RREB1: variants seen among roughly 807,000 people sequenced by gnomAD.
RREB1 encodes the protein ras responsive element binding protein 1.
Under a neutral mutation model 117.8 loss-of-function variants are expected in RREB1, and 27 were observed. The observed-to-expected ratio is 0.23, with a 90% confidence interval of 0.17 to 0.32. The LOEUF (loss-of-function observed/expected upper bound fraction) is 0.32, where lower values mean the gene tolerates loss of function less well. RREB1 is among the 10% of genes least tolerant of loss of function. The pLI, the probability that RREB1 is intolerant of heterozygous loss-of-function variation, is 1.00. For missense variants in RREB1, 2,577 were observed against 2,378.2 expected (o/e 1.08, Z -1.74); for synonymous variants, 1,298 against 1,026.7 (o/e 1.26, Z -5.05).
Position 7,229,872 on chromosome 6 carries a change from G to A in RREB1, c.1773G>A (p.Glu591=). 2.5e-6 allele frequency: 4 copies of A among 1,610,798 alleles called. No individual in the cohort carries two copies. The highest frequency in any genetic ancestry group is 2.5e-6 in the Non-Finnish European group (3 of 1,178,574). ...GGGCGGAGCTGCCGGGCCAGCCTGA[G>A]ATGAAGACGCAGCTGGAGCAGGACA... is the stretch of plus-strand genomic sequence containing the variant. ...QPRAELPGQP[E]MKTQLEQDSI... is the part of the protein sequence containing the mutation. Residue 591 remains glutamate, a synonymous_variant, in exon 10 of 13, where the codon GAG becomes GAA. Transcript: ENST00000379938. The surrounding 1 kb of genome is among the most constrained non-coding windows in gnomAD (Gnocchi z 4.5).
chr6:7,222,919 A>G (rs182529511), intron 8 of RREB1, among the ~76,000 whole-genome samples: 1 of 152,200 alleles, frequency 6.6e-6, no homozygotes, highest in Admixed American at 6.5e-5. Flanking sequence ...GTCACACTAA[A>G]TATTCATAAC....
At chr6:7,248,210 A>T (rs1769216755) in intron 12 of RREB1, among the ~76,000 whole-genome samples, 2 of 152,210 alleles carry the variant, frequency 1.3e-5, no homozygotes, top group Non-Finnish European at 2.9e-5. Flanking sequence ...TCTCTGGTCG[A>T]GGCCAGTCTG....
At chr6:7,204,567 G>A (rs1049164451) in intron 6 of RREB1, among the ~76,000 whole-genome samples, 1 of 152,142 alleles carries the variant, frequency 6.6e-6, no homozygotes, top group Non-Finnish European at 1.5e-5. Flanking sequence ...GTACGGATGG[G>A]GATGTCTCTA....
rs1356566728 is a variant in RREB1, at chr6:7,181,995, G to C, written c.84G>C (p.Gly28=). ...NTMMSAVMSV[G]KVTENGGSPQ... ...TGATGTCGGCGGTCATGAGTGTAGG[G>C]AAGGTCACAGAGAATGGCGGGAGCC... Residue 28 remains glycine (G), a synonymous_variant, in exon 4 of 13, where the codon GGG becomes GGC. Transcript: ENST00000379938. The C allele has an allele frequency of 3.7e-6, 6 of 1,614,208 alleles. No individual in the cohort carries two copies. The highest frequency in any genetic ancestry group is 5.1e-6 in the Non-Finnish European group (6 of 1,180,024).
chr6:7,145,119 A>G (rs908698390), intron 1 of RREB1, among the ~76,000 whole-genome samples: 3 of 152,356 alleles, frequency 2.0e-5, no homozygotes, highest in South Asian at 4.1e-4. Context: ...TTGAAGGTCC[A>G]TGTGAAGACA....
rs576026185 is a variant in RREB1 at position 7,247,630 on chromosome 6, C to T, written c.4771+409C>T. Among the ~76,000 whole-genome samples the T allele has an allele frequency of 2.6e-5, 4 of 152,290 alleles. No homozygotes were observed. The East Asian group carries it at 7.7e-4, about 30-fold the overall frequency. On this transcript the variant is annotated intron_variant, in intron 12 of 12. Transcript: ENST00000379938. ...GGACGACAGGCACTGCCCCAGGCCG[C>T]TGTGGGGCAGGCACCCTGGGTGATC...
intron 1 of RREB1, among the ~76,000 whole-genome samples, chr6:7,111,553 C>G (rs1197025336): frequency 1.3e-5 from 2 of 152,092 alleles, no homozygotes; most frequent in Non-Finnish European, 2.9e-5. Context: ...TAAAATTAAC[C>G]AAAGCATTTT....
In RREB1 at chr6:7,246,556, C is replaced by T. The variant is rs1056643818; in HGVS notation, c.4106C>T (p.Ala1369Val). Residue 1369 changes from alanine (A) to valine (V), a missense_variant, in exon 12 of 13, where the codon GCC becomes GTC. Physicochemically the swap from Ala to Val is moderately conservative, Grantham distance 64. Coordinates refer to ENST00000379938, the MANE Select transcript of RREB1 (RefSeq NM_001003699.4). ...GCAGGGGATGCGCCTGTGGAGCAGGCCACGGCGGAAACGGCCTCGCCGGTG... is the reference window on the plus strand; with the variant it reads ...GCAGGGGATGCGCCTGTGGAGCAGGTCACGGCGGAAACGGCCTCGCCGGTG... Reference protein sequence around the residue: ...QVAGDAPVEQATAETASPVHR... With the variant: ...QVAGDAPVEQVTAETASPVHR... 1.3e-6 allele frequency: 2 copies of T among 1,548,388 alleles called. No homozygotes were observed. The highest frequency in any genetic ancestry group is 1.4e-5 in the African/African-American group (1 of 73,212).
chr6:7,240,202 ATTTAT>A (rs1283620472), intron 10 of RREB1, among the ~76,000 whole-genome samples: 4 of 151,114 alleles, frequency 2.6e-5, no homozygotes, highest in African/African-American at 9.7e-5. Context: ...TTTCAGTTTC[ATTTAT>A]TTTAGTATTT....
intron 10 of RREB1, among the ~76,000 whole-genome samples, chr6:7,232,287 A>G (rs1254124613): frequency 6.6e-6 from 1 of 152,186 alleles, no homozygotes. Context: ...ACTTTGTATT[A>G]AGGTATTGGG....
At chr6:7,136,491 G>A (rs1336569156) in intron 1 of RREB1, among the ~76,000 whole-genome samples, 1 of 152,110 alleles carries the variant, frequency 6.6e-6, no homozygotes, top group African/African-American at 2.4e-5. Context: ...GCCCAGGCCG[G>A]TCTCGAACTC....
chr6:7,232,763 CTTTTTTTT>C (rs59522749), intron 10 of RREB1, among the ~76,000 whole-genome samples: 94 of 136,976 alleles, frequency 6.9e-4, no homozygotes, highest in Admixed American at 1.5e-3. Context: ...TTTTCTTTTT[CTTTTTTTT>C]TTTTTTTTTT....
At chr6:7,155,571 A>G (rs936557395) in intron 1 of RREB1, among the ~76,000 whole-genome samples, 1 of 152,228 alleles carries the variant, frequency 6.6e-6, no homozygotes, top group Non-Finnish European at 1.5e-5. Context: ...TCAGCCTCCC[A>G]AGGTGCTGGG....
At chr6:7,170,309 G>C (rs554462991) in intron 1 of RREB1, among the ~76,000 whole-genome samples, 12 of 152,168 alleles carry the variant, frequency 7.9e-5, no homozygotes, top group Non-Finnish European at 1.3e-4. Flanking sequence ...GGCTGTAAGA[G>C]GGAACCCCAG....
At position 7,207,104 on chromosome 6, in the gene RREB1, C is replaced by T. The variant is rs76336678; in HGVS notation, c.426-3700C>T. Among the ~76,000 whole-genome samples the T allele has an allele frequency of 6.0e-3, 918 of 152,246 alleles. 13 individuals are homozygous for T. The highest frequency in any genetic ancestry group is 0.021 in the African/African-American group (866 of 41,530). On this transcript the variant is annotated intron_variant, in intron 6 of 12. Coordinates refer to ENST00000379938, the MANE Select transcript of RREB1 (RefSeq NM_001003699.4). ...GCAAGAGGAAGAGCAGAGGGGCCAG[C>T]TTAAGATACTAAGACCAGCTGGTAG...
intron 1 of RREB1, among the ~76,000 whole-genome samples, chr6:7,131,731 A>G (rs1762163672): frequency 6.6e-6 from 1 of 152,148 alleles, no homozygotes. Flanking sequence ...CCAAAGTGGT[A>G]GGATTACAAG....
chr6:7,231,639 C>T lies in RREB1; in HGVS notation c.3540C>T (p.Ser1180=), dbSNP rs1201405856. ...TGGACTCCAGCGGGGAGTTTGCCAG[C>T]ATCGAGAAGATGCTGGCCACCACAG... ...VDLDSSGEFA[S]IEKMLATTDT... is the part of the protein sequence containing the mutation. The change falls in exon 10 of 13, where the codon AGC becomes AGT. Residue 1180 remains serine (S), a synonymous_variant. Coordinates refer to ENST00000379938, the MANE Select transcript of RREB1 (RefSeq NM_001003699.4). 7 of 1,611,356 alleles carry T rather than the reference C, an allele frequency of 4.3e-6. No individual in the cohort carries two copies. In the African/African-American group the frequency reaches 8.0e-5, roughly 18 times the overall value.
chr6:7,188,252 T>C (rs542024472), intron 5 of RREB1, among the ~76,000 whole-genome samples: 3,488 of 147,658 alleles, frequency 0.024, 87 homozygotes, highest in African/African-American at 0.06. Flanking sequence ...TGTGTGTGTG[T>C]GCGCGCGCGC....
chr6:7,125,854 G>A (rs1295220208), intron 1 of RREB1, among the ~76,000 whole-genome samples: 2 of 152,148 alleles, frequency 1.3e-5, no homozygotes, highest in Non-Finnish European at 2.9e-5. Context: ...GTGTGTTTGG[G>A]ATGGGGGTTC....
Sources: allele counts gnomAD v4.1 joint callset (sites outside exome capture counted in the v4.1 genomes callset), GRCh38; gene constraint gnomAD v4.1.1; non-coding constraint Gnocchi (gnomAD v3.1); transcripts MANE v1.5; gene names NCBI Gene and HGNC (gene_info 2026-07-23, HGNC 2026-07-21).